The following GRHL3 variants were observed in gnomAD, a reference collection of about 807,000 sequenced individuals.
GRHL3 encodes grainyhead like transcription factor 3, also known as grainyhead-like protein 3 homolog.
Under a neutral mutation model 70.3 loss-of-function variants are expected in GRHL3, and 20 were observed. The ratio of observed to expected loss-of-function variants is 0.28; its 90% CI spans 0.20 to 0.41. The LOEUF (loss-of-function observed/expected upper bound fraction) is 0.41, where lower values mean the gene tolerates loss of function less well. Ranked by LOEUF, GRHL3 falls within the 10% of genes least tolerant of loss-of-function variation. GRHL3 has a pLI of 1.00. For missense variants in GRHL3, 637 were observed against 762.3 expected, an observed-to-expected ratio of 0.84 and a Z score of 1.94; for synonymous variants, 299 against 299.9, an observed-to-expected ratio of 1.00 and a Z score of 0.03.
Position 24,319,550 on chromosome 1 carries a change from A to C in GRHL3, c.-2A>C, listed in dbSNP as rs1232501714. On this transcript the variant is annotated 5_prime_UTR_variant, in exon 1 of 16. Coordinates refer to ENST00000361548, the MANE Select transcript of GRHL3 (RefSeq NM_198173.3). ...TGATCGTCGGAGCTTGGGAGCAGGA[A>C]GATGTCGAATGAACTTGAGTGAGTA... is the stretch of plus-strand genomic sequence containing the variant. The C allele has an allele frequency of 1.2e-6, 2 of 1,613,868 alleles. No homozygotes were observed. The highest frequency in any genetic ancestry group is 1.7e-6 in the Non-Finnish European group (2 of 1,179,816).
At chr1:24,353,343 T>C (rs1220256839) in intron 15 of GRHL3, among the ~76,000 whole-genome samples, 1 of 151,822 alleles carries the variant, frequency 6.6e-6, no homozygotes, top group Non-Finnish European at 1.5e-5. Flanking sequence ...TCAGTGAATA[T>C]AGGGGATGAA....
At chr1:24,352,648 A>G (rs750992963) in intron 15 of GRHL3, among the ~76,000 whole-genome samples, 1 of 152,164 alleles carries the variant, frequency 6.6e-6, no homozygotes, top group Non-Finnish European at 1.5e-5. Flanking sequence ...CAGCTGGTAC[A>G]TATCAGTTAC....
chr1:24,319,991 C>T, intron 1 of GRHL3: 1 of 250,766 alleles, frequency 4.0e-6, no homozygotes, highest in South Asian at 5.5e-5. Context: ...TCTAAAGGGA[C>T]TTGTTTGCTG....
At position 24,331,625 on chromosome 1, in the gene GRHL3, C is replaced by T. The variant is rs6660854; in HGVS notation, c.204+13C>T. On this transcript the variant is annotated intron_variant, in intron 2 of 15. Transcript: ENST00000361548. ...TGATTACTACATGGTACGTCTACCC[C>T]CTCTGGACATGCCCCGTTTTGACTG... 1.2e-6 allele frequency: 2 copies of T among 1,603,920 alleles called. No individual in the cohort carries two copies. Among genetic ancestry groups the T allele is most frequent in the Non-Finnish European group, 1.7e-6 (2 of 1,173,668 alleles).
intron 11 of GRHL3, 140 bp from the exon 12 acceptor site, chr1:24,344,757 C>A: frequency 1.1e-6 from 1 of 882,808 alleles, no homozygotes; most frequent in Non-Finnish European, 1.9e-6. Flanking sequence ...CTTGTCTGAG[C>A]AGAATGGGCT....
In GRHL3 at chr1:24,319,586, G is replaced by T. The variant is rs761440206; in HGVS notation, c.17+18G>T. 1 of 1,613,688 alleles carries T rather than the reference G, an allele frequency of 6.2e-7. No individual in the cohort carries two copies. The highest frequency in any genetic ancestry group is 1.3e-5 in the African/African-American group (1 of 74,928). On this transcript the variant is annotated intron_variant, in intron 1 of 15. Coordinates refer to ENST00000361548, the MANE Select transcript of GRHL3 (RefSeq NM_198173.3). ...GAACTTGAGTGAGTAAACATCGGTG[G>T]ATACCTGCCGCTCTCAGAGCGTGGA... is the stretch of plus-strand genomic sequence containing the variant.
At chr1:24,329,405 C>T (rs940435999) in intron 1 of GRHL3, among the ~76,000 whole-genome samples, 3 of 152,232 alleles carry the variant, frequency 2.0e-5, no homozygotes, top group African/African-American at 4.8e-5. Flanking sequence ...ACTAGTCTGC[C>T]ACTGTGCCAC....
At chr1:24,330,015 C>T (rs1639542148) in intron 1 of GRHL3, among the ~76,000 whole-genome samples, 1 of 152,218 alleles carries the variant, frequency 6.6e-6, no homozygotes, top group Non-Finnish European at 1.5e-5. Flanking sequence ...CTCAGCCACC[C>T]AGAGCCAGTG....
rs144330945 is a variant in GRHL3, at chr1:24,320,696, C to T, written c.17+1128C>T. Among the ~76,000 whole-genome samples, 426 of 152,338 alleles carry T rather than the reference C, an allele frequency of 2.8e-3. 3 individuals carry two copies. The highest frequency in any genetic ancestry group is 5.3e-3 in the Non-Finnish European group (362 of 68,034). On this transcript the variant is annotated intron_variant, in intron 1 of 15. Coordinates refer to ENST00000361548, the MANE Select transcript of GRHL3 (RefSeq NM_198173.3). ...TTCTATGTTCTAGCTAGCCCTTCAGCTCTTCATGTTCACAGCACAATCACT... is the reference window on the plus strand; with the variant it reads ...TTCTATGTTCTAGCTAGCCCTTCAGTTCTTCATGTTCACAGCACAATCACT...
intron 15 of GRHL3, chr1:24,361,121 T>C (rs1258674971): frequency 6.3e-6 from 8 of 1,278,760 alleles, no homozygotes; most frequent in Non-Finnish European, 8.5e-6. Context: ...AGCCAAGACC[T>C]GCACAGCAGC....
chr1:24,336,537 C>T lies in GRHL3; in HGVS notation c.322C>T (p.His108Tyr). The stretch of plus-strand genomic sequence containing the variant: ...CCTCACTCCCCTTGAAAGCCCCACA[C>T]ACCTCATGAAATTCCTGACAGAGAA... Reference protein sequence around the residue: ...TDLTPLESPTHLMKFLTENVS... With the variant: ...TDLTPLESPTYLMKFLTENVS... Residue 108 changes from histidine to tyrosine, a missense_variant, in exon 4 of 16, where the codon CAC (histidine) becomes TAC (tyrosine). By Grantham distance (83) the His-to-Tyr change is moderately conservative (BLOSUM62 2). This residue lies in a region of GRHL3 where 250 missense variants were observed against 248.6 expected (regional missense o/e 1.01). Coordinates refer to ENST00000361548, the MANE Select transcript of GRHL3 (RefSeq NM_198173.3). 3 of 1,613,000 alleles carry T rather than the reference C, an allele frequency of 1.9e-6. No individual in the cohort carries two copies. The highest frequency in any genetic ancestry group is 2.5e-6 in the Non-Finnish European group (3 of 1,179,410).
At chr1:24,339,531 G>A (rs775285351) in intron 7 of GRHL3, 137 bp from the exon 8 acceptor site, 15 of 553,480 alleles carry the variant, frequency 2.7e-5, no homozygotes, top group Admixed American at 5.3e-5. Flanking sequence ...CCCCTGCCTC[G>A]GCCTCCCAAA....
intron 1 of GRHL3, among the ~76,000 whole-genome samples, chr1:24,320,870 A>G (rs1348055392): frequency 6.6e-6 from 1 of 152,218 alleles, no homozygotes; most frequent in African/African-American, 2.4e-5. Flanking sequence ...TGTGATGTTG[A>G]GCAAGTCCCT....
chr1:24,337,183 T>G (rs1639854723), intron 5 of GRHL3, 32 bp downstream of exon 5: 1 of 1,495,034 alleles, frequency 6.7e-7, no homozygotes, highest in Non-Finnish European at 9.3e-7. Flanking sequence ...CTCAGACACC[T>G]GGGCAGTGGG....
chr1:24,332,121 G>T (rs1639636792), intron 2 of GRHL3, among the ~76,000 whole-genome samples: 1 of 152,110 alleles, frequency 6.6e-6, no homozygotes, highest in Admixed American at 6.5e-5. Flanking sequence ...CCTGTCCTCG[G>T]ATCTTACGTT....
At chr1:24,331,682 C>T in intron 2 of GRHL3, 70 bp downstream of exon 2, 1 of 1,394,466 alleles carries the variant, frequency 7.2e-7, no homozygotes, top group Non-Finnish European at 9.9e-7. Context: ...CCTCATGGCT[C>T]AGCAGCCCAC....
downstream of GRHL3, chr1:24,358,649 A>G (rs1429240454): frequency 6.4e-7 from 1 of 1,555,832 alleles, no homozygotes; most frequent in African/African-American, 1.4e-5. Context: ...CGGAGGCATT[A>G]AGAGAGAAAA....
Position 24,335,786 on chromosome 1 carries a change from A to G in GRHL3, c.267-696A>G, listed in dbSNP as rs920553684. Among the ~76,000 whole-genome samples, 17 of 151,924 alleles carry G rather than the reference A, an allele frequency of 1.1e-4. No individual in the cohort carries two copies. The South Asian group carries it at 1.7e-3, about 15-fold the overall frequency. On this transcript the variant is annotated intron_variant, in intron 3 of 15. Coordinates refer to ENST00000361548, the MANE Select transcript of GRHL3 (RefSeq NM_198173.3). Reference sequence around the variant, plus strand: ...TTTAGTAGAGATGGGGTTTCACCATATTAGCCAGGATGGTCTCGATCTCCT... The same window carrying G: ...TTTAGTAGAGATGGGGTTTCACCATGTTAGCCAGGATGGTCTCGATCTCCT...
At chr1:24,346,207 C>T (rs1466003787) in intron 12 of GRHL3, among the ~76,000 whole-genome samples, 1 of 151,608 alleles carries the variant, frequency 6.6e-6, no homozygotes, top group East Asian at 1.9e-4. Flanking sequence ...TTGAGGCCCT[C>T]CTGTGCGTCA....
Sources: gnomAD v4.1 joint callset for allele counts (sites outside exome capture counted in the v4.1 genomes callset) on GRCh38, gnomAD v4.1.1 for gene constraint, gnomAD v4.1.1 regional missense constraint, MANE v1.5 for transcripts, NCBI Gene and HGNC (gene_info 2026-07-23, HGNC 2026-07-21) for gene names.